Variants in RGPD2 observed in about 807,000 individuals in gnomAD.
RGPD2 encodes the protein RANBP2-like and GRIP domain-containing protein 2.
A neutral mutation model predicts 36.0 loss-of-function variants in RGPD2; 2 were observed. The observed-to-expected ratio is 0.06, with a 90% CI of 0.02 to 0.17. RGPD2 has a LOEUF of 0.17. RGPD2 is among the 10% of genes least tolerant of loss of function. The pLI is 1.00. For synonymous variants in RGPD2, 19 were observed against 163.8 expected (o/e 0.12, Z 6.75); for missense variants, 40 against 464.3 (o/e 0.09, Z 8.40).
At chr2:87,918,349 T>A in the RGPD2 span, among the ~76,000 whole-genome samples, 6 of 149,622 alleles carry the variant, frequency 4.0e-5, no homozygotes, top group East Asian at 1.2e-3. Flanking sequence ...AACAGCCTTT[T>A]ATCAGTCATG....
chr2:87,924,503 T>C, the RGPD2 span, among the ~76,000 whole-genome samples: 1 of 152,198 alleles, frequency 6.6e-6, no homozygotes, highest in African/African-American at 2.4e-5. Flanking sequence ...GATTTTCACA[T>C]GCCTTTTTCA....
intron 1 of RGPD2, among the ~76,000 whole-genome samples, chr2:87,824,742 G>GGCCGCCGCCGCC (rs1329887497): frequency 0.028 from 2,417 of 87,692 alleles, 115 homozygotes; most frequent in Admixed American, 0.043. Context: ...GCCAGGCCGA[G>GGCCGCCGCCGCC]GCCGCCGCCG....
At chr2:87,939,412 T>C in the RGPD2 span, among the ~76,000 whole-genome samples, 1 of 152,142 alleles carries the variant, frequency 6.6e-6, no homozygotes, top group African/African-American at 2.4e-5. Flanking sequence ...CTGAAGTGTC[T>C]TATTGTTTGC....
the RGPD2 span, among the ~76,000 whole-genome samples, chr2:87,879,417 T>G: frequency 1.3e-5 from 2 of 151,662 alleles, no homozygotes; most frequent in Non-Finnish European, 2.9e-5. Context: ...TTTTCTTTTT[T>G]TTTTTTAACT....
the RGPD2 span, among the ~76,000 whole-genome samples, chr2:87,930,685 C>T: frequency 6.6e-6 from 1 of 150,616 alleles, no homozygotes; most frequent in Non-Finnish European, 1.5e-5. Flanking sequence ...ATTTCAATTC[C>T]TCTGATCCTG....
At chr2:87,952,132 AAATAT>A in the RGPD2 span, among the ~76,000 whole-genome samples, 2 of 152,310 alleles carry the variant, frequency 1.3e-5, no homozygotes, top group African/African-American at 4.8e-5. Context: ...GAAACTAATT[AAATAT>A]AAGTTTAAAA....
At chr2:87,830,605 A>C (rs1401639362), upstream of RGPD2, among the ~76,000 whole-genome samples, 1 of 152,176 alleles carries the variant, frequency 6.6e-6, no homozygotes, top group Non-Finnish European at 1.5e-5. Flanking sequence ...GCTCATTCTC[A>C]TACTGCTATG....
the RGPD2 span, among the ~76,000 whole-genome samples, chr2:87,945,100 A>C: frequency 6.6e-6 from 1 of 152,078 alleles, no homozygotes; most frequent in Non-Finnish European, 1.5e-5. Context: ...AAAAATGAAA[A>C]AGATATTCAA....
the RGPD2 span, among the ~76,000 whole-genome samples, chr2:87,919,186 G>A: frequency 0.025 from 3,778 of 151,988 alleles, 161 homozygotes; most frequent in African/African-American, 0.085. Context: ...CCGAGGAGTG[G>A]GTTATATTTC....
chr2:87,892,468 G>GT, the RGPD2 span, among the ~76,000 whole-genome samples: 5 of 150,672 alleles, frequency 3.3e-5, no homozygotes, highest in East Asian at 5.9e-4. Context: ...GCAAAATAGT[G>GT]TTTTTGATAT....
the RGPD2 span, among the ~76,000 whole-genome samples, chr2:87,972,099 A>G: frequency 6.6e-6 from 1 of 152,174 alleles, no homozygotes; most frequent in African/African-American, 2.4e-5. Context: ...CTAACATGCA[A>G]TGAAAAGAAA....
At chr2:87,915,282 ATATATATGTATATTATATATATTG>A in the RGPD2 span, among the ~76,000 whole-genome samples, 1,691 of 142,134 alleles carry the variant, frequency 0.012, 78 homozygotes, top group African/African-American at 0.042. Flanking sequence ...GTGTATATAT[ATATATATGTATATTATATATATTG>A]TATATATATG....
upstream of RGPD2, chr2:87,825,893 G>C: frequency 2.2e-6 from 2 of 924,640 alleles, no homozygotes; most frequent in East Asian, 6.8e-5. Context: ...TGGCGACGTC[G>C]GCGCTCGAGC....
the RGPD2 span, among the ~76,000 whole-genome samples, chr2:87,980,290 G>T: frequency 2.8e-5 from 2 of 72,210 alleles, no homozygotes; most frequent in African/African-American, 4.2e-5. Flanking sequence ...GGCGGAGATT[G>T]CAGTGAGCTC....
chr2:87,985,747 G>A, the RGPD2 span: 203 of 1,604,010 alleles, frequency 1.3e-4, no homozygotes, highest in East Asian at 1.2e-3. Context: ...CATGCTAAGC[G>A]GTCTGTGTTA....
chr2:87,875,780 T>C, the RGPD2 span, among the ~76,000 whole-genome samples: 3 of 152,292 alleles, frequency 2.0e-5, no homozygotes, highest in Non-Finnish European at 2.9e-5. Flanking sequence ...ATAGTCTCAG[T>C]AGAAACGGTA....
At chr2:87,973,491 A>G in the RGPD2 span, among the ~76,000 whole-genome samples, 1 of 132,754 alleles carries the variant, frequency 7.5e-6, no homozygotes, top group African/African-American at 2.7e-5. Flanking sequence ...TAGTTTTGAG[A>G]GGGTGGATGG....
At chr2:87,986,618 G>A in the RGPD2 span, among the ~76,000 whole-genome samples, 11 of 151,724 alleles carry the variant, frequency 7.3e-5, no homozygotes, top group South Asian at 2.1e-4. Flanking sequence ...GGTGACTCAC[G>A]CCTGTAATCT....
the RGPD2 span, among the ~76,000 whole-genome samples, chr2:87,884,800 A>C: frequency 6.6e-6 from 1 of 152,082 alleles, no homozygotes; most frequent in Admixed American, 6.6e-5. Flanking sequence ...TAAAAATTAA[A>C]AAGTCTGTTC....
Sources: gnomAD v4.1 joint callset for allele counts (sites outside exome capture counted in the v4.1 genomes callset) on GRCh38, gnomAD v4.1.1 for gene constraint, MANE v1.5 for transcripts, NCBI Gene and HGNC (gene_info 2026-07-23, HGNC 2026-07-21) for gene names.